Variants in LTV1 observed in about 807,000 individuals in gnomAD.
LTV1 encodes protein LTV1 homolog.
LTV1 carries 39 observed loss-of-function variants against 59.9 expected under a neutral mutation model. The observed-to-expected ratio is 0.65, with a 90% CI of 0.50 to 0.85. The LOEUF (loss-of-function observed/expected upper bound fraction) is 0.85, where lower values mean the gene tolerates loss of function less well. Among genes scored for constraint, LTV1 ranks in the 40% least tolerant of loss-of-function variants. The pLI, the probability that LTV1 is intolerant of heterozygous loss-of-function variation, is 0.00. For synonymous variants in LTV1, 171 were observed against 189.5 expected (o/e 0.90, Z 0.80); for missense variants, 493 against 549.1 (o/e 0.90, Z 1.02).
chr6:143,845,998 T>C (rs777746717), intron 2 of LTV1, 53 bp from the exon 3 acceptor site: 9 of 1,559,086 alleles, frequency 5.8e-6, no homozygotes, highest in Non-Finnish European at 7.0e-6. Flanking sequence ...GGCTTACTGA[T>C]TCCATTTTGT....
chr6:143,860,623 C>A, intron 7 of LTV1, 70 bp downstream of exon 7: 4 of 1,367,660 alleles, frequency 2.9e-6, no homozygotes, highest in Admixed American at 2.4e-5. Context: ...AAAGAAAGGT[C>A]TATAGTATAA....
chr6:143,844,112 C>T (rs1776848376), intron 1 of LTV1, among the ~76,000 whole-genome samples: 1 of 152,224 alleles, frequency 6.6e-6, no homozygotes, highest in Non-Finnish European at 1.5e-5. Context: ...CTAGTTCAGT[C>T]GGCCAGGGGC....
At chr6:143,852,035 C>T (rs369741061) in intron 4 of LTV1, among the ~76,000 whole-genome samples, 2 of 152,252 alleles carry the variant, frequency 1.3e-5, no homozygotes, top group South Asian at 2.1e-4. Context: ...AATAAACCTA[C>T]GTGTGCATGT....
intron 4 of LTV1, among the ~76,000 whole-genome samples, chr6:143,856,627 C>T (rs570912930): frequency 3.3e-4 from 50 of 152,186 alleles, no homozygotes; most frequent in Non-Finnish European, 6.3e-4. Context: ...TCTGTGTGGA[C>T]GTCCTATTTG....
chr6:143,858,769 G>A lies in LTV1; in HGVS notation c.795+762G>A, dbSNP rs188671165. ...CCCGCGAGCTAAGTAGATGTTAGGCGCCTTGCTGTGTGCCTTGTTTTTTTT... is the reference window on the plus strand; with the variant it reads ...CCCGCGAGCTAAGTAGATGTTAGGCACCTTGCTGTGTGCCTTGTTTTTTTT... On this transcript the variant is annotated intron_variant, in intron 6 of 10. Coordinates refer to ENST00000367576, the MANE Select transcript of LTV1 (RefSeq NM_032860.5). The A allele has an allele frequency of 2.9e-3, 442 of 152,542 alleles. 4 individuals carry two copies. Among genetic ancestry groups the A allele is most frequent in the African/African-American group, 0.01 (432 of 41,534 alleles). The allele number at this position is 152,542 out of a possible 1,614,324, so 9.4% of individuals were successfully genotyped here. A position where few individuals can be genotyped will look rare whatever the true frequency, so the allele number is the denominator to read the frequency against.
At chr6:143,858,032 T>C in intron 6 of LTV1, 25 bp downstream of exon 6, 6 of 1,609,882 alleles carry the variant, frequency 3.7e-6, no homozygotes, top group Non-Finnish European at 5.1e-6. Context: ...TAAGGGATGC[T>C]TTAGTACTAT....
chr6:143,846,807 A>G (rs879207522), intron 3 of LTV1, among the ~76,000 whole-genome samples: 3 of 152,172 alleles, frequency 2.0e-5, no homozygotes, highest in Admixed American at 2.0e-4. Context: ...CCCATGTTGT[A>G]TGCCTCCGTG....
intron 4 of LTV1, among the ~76,000 whole-genome samples, chr6:143,850,838 A>C (rs567429822): frequency 4.6e-5 from 7 of 152,352 alleles, no homozygotes; most frequent in African/African-American, 1.7e-4. Flanking sequence ...AGAATAAAGC[A>C]TAGTCTCTGA....
At chr6:143,847,287 G>A (rs939199369) in intron 3 of LTV1, among the ~76,000 whole-genome samples, 2 of 152,168 alleles carry the variant, frequency 1.3e-5, no homozygotes, top group Non-Finnish European at 2.9e-5. Flanking sequence ...GGCTCAACTT[G>A]TTTATCTAAG....
In LTV1 at chr6:143,850,208, T is replaced by C; in HGVS notation, c.387T>C (p.Ala129=). The C allele has an allele frequency of 2.5e-6, 4 of 1,612,650 alleles. No individual in the cohort carries two copies. The highest frequency in any genetic ancestry group is 3.4e-6 in the Non-Finnish European group (4 of 1,179,070). Residue 129 remains alanine, a synonymous_variant, in exon 4 of 11, where the codon GCT becomes GCC. Transcript: ENST00000367576. The part of the protein sequence containing the change: ...EEDVGLLNKA[A]PVSGPRLDFD... The stretch of plus-strand genomic sequence containing the variant: ...ATGTTGGATTGTTAAATAAAGCAGC[T>C]CCAGTTTCAGGTATTTTTAATTGCT...
chr6:143,848,338 A>C (rs1776927431), intron 3 of LTV1, among the ~76,000 whole-genome samples: 1 of 152,248 alleles, frequency 6.6e-6, no homozygotes, highest in Non-Finnish European at 1.5e-5. Flanking sequence ...GGTGAATTGT[A>C]TGTGAATGAT....
intron 3 of LTV1, among the ~76,000 whole-genome samples, 182 bp from the exon 4 acceptor site, chr6:143,849,946 TGTG>T: frequency 6.6e-6 from 1 of 152,332 alleles, no homozygotes; most frequent in South Asian, 2.1e-4. Flanking sequence ...TCTGTCTTCA[TGTG>T]GTCTCGTTAT....
intron 7 of LTV1, among the ~76,000 whole-genome samples, chr6:143,861,049 A>G (rs11963021): frequency 0.014 from 2,176 of 151,988 alleles, 45 homozygotes; most frequent in African/African-American, 0.05. Flanking sequence ...GGTGCACACC[A>G]CCATGCCCAG....
chr6:143,860,670 T>A (rs960704460), intron 7 of LTV1, 117 bp downstream of exon 7: 28 of 789,976 alleles, frequency 3.5e-5, no homozygotes, highest in African/African-American at 9.0e-5. Flanking sequence ...TCAAAATACA[T>A]ATTGAGAAAA....
At chr6:143,858,832 T>C (rs1777119450) in intron 6 of LTV1, 1 of 152,168 alleles carries the variant, frequency 6.6e-6, no homozygotes, top group Non-Finnish European at 1.5e-5. Flanking sequence ...AAAGAGAGAT[T>C]GGGACCCAAA....
In LTV1 at chr6:143,846,054, G is replaced by A. The variant is rs567750363; in HGVS notation, c.139G>A (p.Asp47Asn). The part of the protein sequence containing the change: ...QRVLLPTQKI[D>N]NEERRAEQRK... ...ACTAATTCCATTTCGTTTATAGATA[G>A]ACAATGAAGAAAGGCGAGCAGAACA... The change falls in exon 3 of 11, where the codon GAC becomes AAC. Residue 47 changes from aspartate (D) to asparagine (N), a missense_variant. Coordinates refer to ENST00000367576, the MANE Select transcript of LTV1 (RefSeq NM_032860.5). 1.9e-6 allele frequency: 3 copies of A among 1,612,440 alleles called. No homozygotes were observed. The highest frequency in any genetic ancestry group is 1.1e-5 in the South Asian group (1 of 90,672).
Position 143,855,954 on chromosome 6 carries a change from G to GTGTTCTCTCTGT in LTV1, c.398-1348_398-1347insGTTCTCTCTGTT, listed in dbSNP as rs1554234802. On this transcript the variant is annotated intron_variant, in intron 4 of 10. Coordinates refer to ENST00000367576, the MANE Select transcript of LTV1 (RefSeq NM_032860.5). This position sits in a 1 kb window ranked among gnomAD's most constrained non-coding sequence, Gnocchi z 4.6. ...GCTCTTCTCGAGGAGTATCTTTGTG[G>GTGTTCTCTCTGT]TTCCTGAATTTGAATGTTGGCCTCT... 4.0e-5 allele frequency among the ~76,000 whole-genome samples: 6 copies of GTGTTCTCTCTGT among 151,072 alleles called. No homozygotes were observed. The highest frequency in any genetic ancestry group is 1.5e-4 in the African/African-American group (6 of 41,154).
rs1299110686 is a variant in LTV1 at position 143,857,019 on chromosome 6, T to C, written c.398-284T>C. 6.6e-6 allele frequency among the ~76,000 whole-genome samples: 1 copy of C among 152,200 alleles called. No individual in the cohort carries two copies. Among genetic ancestry groups the C allele is most frequent in the African/African-American group, 2.4e-5 (1 of 41,454 alleles). On this transcript the variant is annotated intron_variant, in intron 4 of 10. Transcript: ENST00000367576. This position sits in a 1 kb window ranked among gnomAD's most constrained non-coding sequence, Gnocchi z 5.2. ...GGCAGGCAGGAACGTTTGAGTCTGC[T>C]GAAGCTGTGCCCACAGCCGCCCCTT... is the stretch of plus-strand genomic sequence containing the variant.
At chr6:143,860,109 A>C (rs945776420) in intron 6 of LTV1, among the ~76,000 whole-genome samples, 4 of 151,990 alleles carry the variant, frequency 2.6e-5, no homozygotes, top group Non-Finnish European at 5.9e-5. Context: ...AAAAAAGAAA[A>C]AGTATCTTCA....
Sources: gnomAD v4.1 joint callset for allele counts (sites outside exome capture counted in the v4.1 genomes callset) on GRCh38, gnomAD v4.1.1 for gene constraint, Gnocchi (gnomAD v3.1) non-coding constraint, MANE v1.5 for transcripts, NCBI Gene and HGNC (gene_info 2026-07-23, HGNC 2026-07-21) for gene names.